The following NUDC variants were observed in gnomAD, a reference collection of about 807,000 sequenced individuals.
NUDC encodes nuclear distribution C, dynein complex regulator.
A neutral mutation model predicts 45.0 loss-of-function variants in NUDC; 14 were observed. The observed-to-expected ratio is 0.31, with a 90% confidence interval of 0.21 to 0.49. The LOEUF is 0.49. NUDC is among the 20% of genes least tolerant of loss of function. The pLI is 0.99. For synonymous variants in NUDC, 153 were observed against 156.7 expected (o/e 0.98, Z 0.17); for missense variants, 323 against 426.2 (o/e 0.76, Z 2.13).
At chr1:26,942,544 G>C in intron 4 of NUDC, 116 bp from the exon 5 acceptor site, 1 of 1,473,718 alleles carries the variant, frequency 6.8e-7, no homozygotes, top group Non-Finnish European at 9.5e-7. Context: ...GCAGGGACCA[G>C]GTCTGTTTTC....
intron 3 of NUDC, chr1:26,911,601 G>A: frequency 1.8e-6 from 1 of 547,266 alleles, no homozygotes; most frequent in Non-Finnish European, 3.3e-6. Flanking sequence ...CCCAAGAAGG[G>A]ACAGGAGTCT....
At chr1:26,917,019 A>T (rs966667241), upstream of NUDC, among the ~76,000 whole-genome samples, 5 of 152,190 alleles carry the variant, frequency 3.3e-5, no homozygotes, top group African/African-American at 9.7e-5. Context: ...GCACTTTGGG[A>T]GACCAAGACA....
chr1:26,922,549 G>GT (rs2082100245), intron 1 of NUDC: 2 of 153,438 alleles, frequency 1.3e-5, no homozygotes, highest in African/African-American at 4.8e-5. Flanking sequence ...TGTGATTGAT[G>GT]TGTGTCCCAC....
Position 26,945,426 on chromosome 1 carries a change from A to G in NUDC, c.778A>G (p.Ser260Gly). 6.2e-7 allele frequency: 1 copy of G among 1,611,644 alleles called. No homozygotes were observed. Among genetic ancestry groups the G allele is most frequent in the Non-Finnish European group, 8.5e-7 (1 of 1,179,142 alleles). ...KMEWWSRLVS[S>G]DPEINTKKIN... ...GGAGTGGTGGAGCCGCTTGGTGTCC[A>G]GTGACCCTGAGATCAACACCAAGAA... The change falls in exon 7 of 9, where the codon AGT becomes GGT. Residue 260 changes from serine to glycine, a missense_variant. By Grantham distance (56) the Ser-to-Gly change is moderately conservative. Around this residue, in one of 3 missense-constraint regions of NUDC, gnomAD observed 54 missense variants for 100.2 expected, o/e 0.54. Coordinates refer to ENST00000321265, the MANE Select transcript of NUDC (RefSeq NM_006600.4).
In NUDC at chr1:26,942,707, G is replaced by A. The variant is rs764035187; in HGVS notation, c.477G>A (p.Leu159=). Reference sequence around the variant, plus strand: ...AAGATGAGAAGGACAAAGGAAAACTGAAGCCCAACCTAGGCAACGGGGCAG... The same window carrying A: ...AAGATGAGAAGGACAAAGGAAAACTAAAGCCCAACCTAGGCAACGGGGCAG... ...EEEDEKDKGK[L]KPNLGNGADL... is the part of the protein sequence containing the mutation. Residue 159 remains leucine (L), a synonymous_variant, in exon 5 of 9, where the codon CTG becomes CTA. Coordinates refer to ENST00000321265, the MANE Select transcript of NUDC (RefSeq NM_006600.4). 10 of 1,614,136 alleles carry A rather than the reference G, an allele frequency of 6.2e-6. No individual in the cohort carries two copies. Among genetic ancestry groups the A allele is most frequent in the Non-Finnish European group, 6.8e-6 (8 of 1,180,058 alleles).
At chr1:26,938,837 A>G (rs1234957663) in intron 2 of NUDC, among the ~76,000 whole-genome samples, 2 of 152,188 alleles carry the variant, frequency 1.3e-5, no homozygotes, top group African/African-American at 2.4e-5. Context: ...ATGTGTGCAC[A>G]TGCACACTGT....
At chr1:26,946,109 A>G (rs777693796) in intron 8 of NUDC, 21 bp from the exon 9 acceptor site, 5 of 1,612,354 alleles carry the variant, frequency 3.1e-6, no homozygotes, top group Non-Finnish European at 4.2e-6. Context: ...GAGCTGTTTC[A>G]TCTTGCTTCC....
intron 1 of NUDC, among the ~76,000 whole-genome samples, chr1:26,923,086 C>G (rs953068786): frequency 6.6e-6 from 1 of 152,226 alleles, no homozygotes; most frequent in African/African-American, 2.4e-5. Flanking sequence ...TAGATTGTTT[C>G]ATTCAGCAAG....
chr1:26,906,414 C>T (rs865917655), intron 2 of NUDC, among the ~76,000 whole-genome samples: 3 of 151,950 alleles, frequency 2.0e-5, no homozygotes, highest in African/African-American at 7.3e-5. Flanking sequence ...CGCACCACAG[C>T]ACTCCACCCT....
Position 26,946,498 on chromosome 1 carries a change from T to A in NUDC, c.*317T>A, listed in dbSNP as rs188850456. The A allele has an allele frequency of 3.9e-4, 168 of 426,184 alleles. 1 individual carries two copies. Among genetic ancestry groups the A allele is most frequent in the African/African-American group, 3.2e-3 (156 of 49,392 alleles). 26.4% of individuals were successfully genotyped at this position (426,184 alleles called of 1,614,324 possible). On this transcript the variant is annotated 3_prime_UTR_variant, in exon 9 of 9. Coordinates refer to ENST00000321265, the MANE Select transcript of NUDC (RefSeq NM_006600.4). ...TTGGCTTCTAGCCCAGATTCTGCCA[T>A]GTGACCTAGGGCACATCCTTGCCCC...
chr1:26,925,557 A>G (rs1295612433), intron 2 of NUDC, among the ~76,000 whole-genome samples: 12 of 151,238 alleles, frequency 7.9e-5, no homozygotes, highest in Non-Finnish European at 1.3e-4. Flanking sequence ...AAAAAAAAAA[A>G]AAAGAAATAA....
At chr1:26,922,668 G>A (rs2082101127) in intron 1 of NUDC, among the ~76,000 whole-genome samples, 1 of 152,212 alleles carries the variant, frequency 6.6e-6, no homozygotes, top group African/African-American at 2.4e-5. Flanking sequence ...CATTCTCAGA[G>A]CCAGAGAAGT....
intron 2 of NUDC, among the ~76,000 whole-genome samples, chr1:26,939,805 G>A (rs1350257765): frequency 3.3e-5 from 5 of 152,180 alleles, no homozygotes; most frequent in Non-Finnish European, 7.3e-5. Flanking sequence ...AAGATTTAGC[G>A]TTTCTAACAG....
At chr1:26,902,276 C>T (rs2081982695) in intron 1 of NUDC, 1 of 152,242 alleles carries the variant, frequency 6.6e-6, no homozygotes, top group Non-Finnish European at 1.5e-5. Flanking sequence ...TCTCTCCTTC[C>T]CCCAGCTTCC....
exon 1 of NUDC, chr1:26,900,315 C>T (rs752309951): frequency 1.2e-6 from 2 of 1,614,032 alleles, no homozygotes; most frequent in South Asian, 1.1e-5. Context: ...ACAGAGGAAG[C>T]CACCGCCGCG....
chr1:26,931,733 C>T (rs1422006044), intron 2 of NUDC, among the ~76,000 whole-genome samples: 2 of 150,152 alleles, frequency 1.3e-5, no homozygotes, highest in African/African-American at 4.9e-5. Context: ...GAGCCAAGAT[C>T]GCCACTGCAC....
At chr1:26,936,632 A>C (rs1350758965) in intron 2 of NUDC, among the ~76,000 whole-genome samples, 1 of 152,000 alleles carries the variant, frequency 6.6e-6, no homozygotes, top group East Asian at 1.9e-4. Flanking sequence ...GAGTCACCCT[A>C]CCTGGCCTAC....
rs766293590 is a variant in NUDC at position 26,912,001 on chromosome 1, C to T, written c.93+766C>T. The T allele has an allele frequency of 8.1e-6, 13 of 1,614,072 alleles. No individual in the cohort carries two copies. In the East Asian group the frequency reaches 1.8e-4, roughly 22 times the overall value. ...TCAGGCGGCCTTGGGCTGCTGGGCACCAGGGTTCCAGGACTTCACACAGCA... is the reference window on the plus strand; with the variant it reads ...TCAGGCGGCCTTGGGCTGCTGGGCATCAGGGTTCCAGGACTTCACACAGCA... On this transcript the variant is annotated intron_variant, in intron 3 of 6. Transcript: ENST00000435827.
intron 2 of NUDC, among the ~76,000 whole-genome samples, chr1:26,908,165 G>A (rs925743995): frequency 6.6e-6 from 1 of 151,750 alleles, no homozygotes; most frequent in African/African-American, 2.4e-5. Flanking sequence ...GGCAGCAAGA[G>A]TGAAACTCCA....
Sources: gnomAD v4.1 joint callset for allele counts (sites outside exome capture counted in the v4.1 genomes callset) on GRCh38, gnomAD v4.1.1 for gene constraint, gnomAD v4.1.1 regional missense constraint, MANE v1.5 for transcripts, NCBI Gene and HGNC (gene_info 2026-07-23, HGNC 2026-07-21) for gene names.